The following OSBPL3 variants were observed in gnomAD, a reference collection of about 807,000 sequenced individuals.
The protein encoded by OSBPL3 is oxysterol-binding protein-related protein 3.
OSBPL3 carries 65 observed loss-of-function variants against 120.1 expected under a neutral mutation model. The observed-to-expected ratio is 0.54, with a 90% confidence interval of 0.44 to 0.67. The LOEUF (loss-of-function observed/expected upper bound fraction) is 0.67. Ranked by LOEUF, OSBPL3 falls within the 30% of genes least tolerant of loss-of-function variation. OSBPL3 has a pLI of 0.00. For synonymous variants in OSBPL3, 416 were observed against 402.6 expected, an observed-to-expected ratio of 1.03 and a Z score of -0.40; for missense variants, 1,004 against 1,082.1, an observed-to-expected ratio of 0.93 and a Z score of 1.01.
At chr7:24,962,826 T>G (rs1389189846) in intron 1 of OSBPL3, among the ~76,000 whole-genome samples, 1 of 152,210 alleles carries the variant, frequency 6.6e-6, no homozygotes, top group Non-Finnish European at 1.5e-5. Flanking sequence ...TACACTGTCC[T>G]TATGCTGGAT....
chr7:24,825,264 G>A (rs1192495664), intron 16 of OSBPL3, among the ~76,000 whole-genome samples: 2 of 152,214 alleles, frequency 1.3e-5, no homozygotes, highest in African/African-American at 4.8e-5. Context: ...TCACATGGGA[G>A]AGAAAGTGAA....
At chr7:24,832,880 T>G (rs944086668) in intron 15 of OSBPL3, among the ~76,000 whole-genome samples, 3 of 152,184 alleles carry the variant, frequency 2.0e-5, no homozygotes, top group African/African-American at 7.2e-5. Flanking sequence ...ATAAGACTCC[T>G]GCTTAGTGGT....
Position 24,817,494 on chromosome 7 carries a change from A to C in OSBPL3, c.1949-806T>G, listed in dbSNP as rs1794616064. Among the ~76,000 whole-genome samples, 1 of 151,862 alleles carries C rather than the reference A, an allele frequency of 6.6e-6. No individual in the cohort carries two copies. Among genetic ancestry groups the C allele is most frequent in the Non-Finnish European group, 1.5e-5 (1 of 68,012 alleles). On this transcript the variant is annotated intron_variant, in intron 17 of 22. Transcript: ENST00000313367. The surrounding 1 kb of genome is among the most constrained non-coding windows in gnomAD (Gnocchi z 4.0). ...GCACTCCAGCCTGGGTGATGGAGTG[A>C]GATTCTGCCAAAAAAAACAAAACAA...
intron 10 of OSBPL3, among the ~76,000 whole-genome samples, chr7:24,861,385 C>T (rs1457493324): frequency 6.6e-6 from 1 of 152,188 alleles, no homozygotes; most frequent in Non-Finnish European, 1.5e-5. Context: ...AATTGCTCAG[C>T]TTTTAAAGTA....
At chr7:24,977,792 T>A (rs1584782149) in intron 1 of OSBPL3, among the ~76,000 whole-genome samples, 1 of 151,820 alleles carries the variant, frequency 6.6e-6, no homozygotes. Flanking sequence ...GGAGGCGGAG[T>A]TTGCAGTGAG....
At chr7:24,880,746 C>G (rs531214162) in intron 2 of OSBPL3, among the ~76,000 whole-genome samples, 12 of 152,188 alleles carry the variant, frequency 7.9e-5, no homozygotes, top group African/African-American at 2.9e-4. Context: ...GGACCAGGAC[C>G]CAGGTCTTTT....
At chr7:24,980,528 C>T (rs1023005203), upstream of OSBPL3, among the ~76,000 whole-genome samples, 1 of 151,826 alleles carries the variant, frequency 6.6e-6, no homozygotes, top group Non-Finnish European at 1.5e-5. Context: ...GTGGCTTTTC[C>T]GGGCCAGGGA....
intron 1 of OSBPL3, among the ~76,000 whole-genome samples, chr7:24,928,393 G>GTGT (rs1345838371): frequency 2.0e-5 from 3 of 151,894 alleles, no homozygotes; most frequent in Non-Finnish European, 2.9e-5. Flanking sequence ...GGGTTTCACC[G>GTGT]TGTTAGCCAG....
In OSBPL3 at chr7:24,964,985, G is replaced by A. The variant is rs1456055852; in HGVS notation, c.-150+14901C>T. On this transcript the variant is annotated intron_variant, in intron 1 of 22. Coordinates refer to ENST00000313367, the MANE Select transcript of OSBPL3 (RefSeq NM_015550.4). The surrounding 1 kb of genome is among the most constrained non-coding windows in gnomAD (Gnocchi z 4.2). ...GGGAAGTATTTTTAATAGGCATGTT[G>A]TATTAATTAATTATTGTGCTTTTCT... Among the ~76,000 whole-genome samples the A allele has an allele frequency of 6.6e-6, 1 of 152,118 alleles. No individual in the cohort carries two copies. Among genetic ancestry groups the A allele is most frequent in the African/African-American group, 2.4e-5 (1 of 41,422 alleles).
chr7:24,805,134 G>A lies in OSBPL3; in HGVS notation c.2445-697C>T, dbSNP rs1051379183. On this transcript the variant is annotated intron_variant, in intron 21 of 22. Transcript: ENST00000313367. The surrounding 1 kb of genome is among the most constrained non-coding windows in gnomAD (Gnocchi z 4.0). ...AAGTGAAATTGCTGGATGAAAGGGT[G>A]AGTGTGTAATTTATATATTACTGAA... is the stretch of plus-strand genomic sequence containing the variant. 4.6e-4 allele frequency among the ~76,000 whole-genome samples: 70 copies of A among 152,164 alleles called. No homozygotes were observed. The highest frequency in any genetic ancestry group is 9.2e-4 in the Admixed American group (14 of 15,278).
At position 24,918,223 on chromosome 7, in the gene OSBPL3, T is replaced by C. The variant is rs112316401; in HGVS notation, c.-149-25602A>G. On this transcript the variant is annotated intron_variant, in intron 1 of 22. Coordinates refer to ENST00000313367, the MANE Select transcript of OSBPL3 (RefSeq NM_015550.4). The surrounding 1 kb of genome is among the most constrained non-coding windows in gnomAD (Gnocchi z 4.3). Reference sequence around the variant, plus strand: ...GAAACTGACCATCACATAAACACCATAGCAATGTTCAGAAGCTGGCAGTGT... The same window carrying C: ...GAAACTGACCATCACATAAACACCACAGCAATGTTCAGAAGCTGGCAGTGT... 6.8e-3 allele frequency: 1,327 copies of C among 195,640 alleles called. 18 individuals are homozygous for C. Among genetic ancestry groups the C allele is most frequent in the African/African-American group, 0.028 (1,203 of 42,276 alleles). 12.1% of individuals were successfully genotyped at this position (195,640 alleles called of 1,614,324 possible). A position where few individuals can be genotyped will look rare whatever the true frequency, so the allele number is the denominator to read the frequency against.
At chr7:24,927,674 G>A (rs1811229661) in intron 1 of OSBPL3, among the ~76,000 whole-genome samples, 2 of 152,138 alleles carry the variant, frequency 1.3e-5, no homozygotes, top group South Asian at 4.1e-4. Context: ...TGTGTTCTGA[G>A]ACAAGTGGTA....
chr7:24,965,584 G>A lies in OSBPL3; in HGVS notation c.-150+14302C>T, dbSNP rs749486927. ...TGAACCAATGCTTGGATTTGCTAAG[G>A]GGTCCATGAACCAGAGTCAGTATCT... On this transcript the variant is annotated intron_variant, in intron 1 of 22. Transcript: ENST00000313367. The surrounding 1 kb of genome is among the most constrained non-coding windows in gnomAD (Gnocchi z 4.3). 1.4e-4 allele frequency among the ~76,000 whole-genome samples: 22 copies of A among 152,084 alleles called. No homozygotes were observed. The highest frequency in any genetic ancestry group is 2.8e-4 in the Non-Finnish European group (19 of 68,000).
At chr7:24,848,457 T>C (rs1052508891) in intron 12 of OSBPL3, among the ~76,000 whole-genome samples, 3 of 152,240 alleles carry the variant, frequency 2.0e-5, no homozygotes, top group Non-Finnish European at 4.4e-5. Context: ...ACTTGTACTT[T>C]TCTGAAATTT....
rs1812796837 is a variant in OSBPL3 at position 24,939,198 on chromosome 7, G to A, written c.-150+40688C>T. On this transcript the variant is annotated intron_variant, in intron 1 of 22. Transcript: ENST00000313367. This position sits in a 1 kb window ranked among gnomAD's most constrained non-coding sequence, Gnocchi z 4.2. ...ACATCAAGAATATTCAGAGAAGGAA[G>A]AACAACACTGTCCATAATCCAAAGG... Among the ~76,000 whole-genome samples, 1 of 152,074 alleles carries A rather than the reference G, an allele frequency of 6.6e-6. No individual in the cohort carries two copies. Among genetic ancestry groups the A allele is most frequent in the African/African-American group, 2.4e-5 (1 of 41,410 alleles).
intron 2 of OSBPL3, among the ~76,000 whole-genome samples, chr7:24,878,546 T>G (rs375949444): frequency 6.6e-6 from 1 of 152,204 alleles, no homozygotes; most frequent in Non-Finnish European, 1.5e-5. Context: ...CTGACAATAC[T>G]TGTCAATAGA....
intron 2 of OSBPL3, among the ~76,000 whole-genome samples, chr7:24,886,541 C>G (rs2128323757): frequency 6.6e-6 from 1 of 152,336 alleles, no homozygotes. Context: ...GCCATACATT[C>G]TCACCTGCCC....
At position 24,834,382 on chromosome 7, in the gene OSBPL3, T is replaced by C. The variant is rs780374977; in HGVS notation, c.1746+104A>G. The C allele has an allele frequency of 4.6e-6, 7 of 1,518,002 alleles. No individual in the cohort carries two copies. Among genetic ancestry groups the C allele is most frequent in the Non-Finnish European group, 8.8e-7 (1 of 1,134,454 alleles). 94.0% of individuals were successfully genotyped at this position (1,518,002 alleles called of 1,614,324 possible). A position where few individuals can be genotyped will look rare whatever the true frequency, so the allele number is the denominator to read the frequency against. Reference sequence around the variant, plus strand: ...GAACCTGTTTACGGAACAATCAAAATGAAACCGGAGGGAACAGGGGCTGTC... The same window carrying C: ...GAACCTGTTTACGGAACAATCAAAACGAAACCGGAGGGAACAGGGGCTGTC... On this transcript the variant is annotated intron_variant, in intron 15 of 22. Transcript: ENST00000313367. This position sits in a 1 kb window ranked among gnomAD's most constrained non-coding sequence, Gnocchi z 5.2.
chr7:24,927,626 G>A (rs1811223588), intron 1 of OSBPL3, among the ~76,000 whole-genome samples: 1 of 152,156 alleles, frequency 6.6e-6, no homozygotes, highest in Non-Finnish European at 1.5e-5. Context: ...GGATTGTTCA[G>A]TTTTTTTCAC....
Sources: gnomAD v4.1 joint callset for allele counts (sites outside exome capture counted in the v4.1 genomes callset) on GRCh38, gnomAD v4.1.1 for gene constraint, Gnocchi (gnomAD v3.1) non-coding constraint, MANE v1.5 for transcripts, NCBI Gene and HGNC (gene_info 2026-07-23, HGNC 2026-07-21) for gene names.